The following ADORA2B variants were observed in gnomAD, a reference collection of about 807,000 sequenced individuals.
ADORA2B encodes the protein adenosine A2b receptor.
In ADORA2B, 18 loss-of-function variants were observed where a neutral mutation model predicts 20.8. The observed-to-expected ratio is 0.87, with a 90% CI of 0.60 to 1.29. The LOEUF is 1.29. Ranked by LOEUF, ADORA2B falls within the 50% of genes most tolerant of loss-of-function variation. ADORA2B has a pLI of 0.00. For missense variants in ADORA2B, 441 were observed against 422.7 expected, an observed-to-expected ratio of 1.04 and a Z score of -0.38; for synonymous variants, 179 against 178.3, an observed-to-expected ratio of 1.00 and a Z score of -0.03.
chr17:15,899,988 T>C, the ADORA2B span, among the ~76,000 whole-genome samples: 3 of 151,994 alleles, frequency 2.0e-5, no homozygotes, highest in African/African-American at 7.2e-5. Flanking sequence ...CGTGCCACCA[T>C]GCCCAGCTAA....
intron 1 of ADORA2B, among the ~76,000 whole-genome samples, chr17:15,964,446 A>G (rs1021475733): frequency 6.6e-6 from 1 of 151,432 alleles, no homozygotes; most frequent in Non-Finnish European, 1.5e-5. Flanking sequence ...GTCTCTACTA[A>G]AAATACAAAA....
the ADORA2B span, chr17:15,850,624 G>T: frequency 1.8e-4 from 30 of 169,242 alleles, no homozygotes; most frequent in Non-Finnish European, 3.2e-4. Flanking sequence ...CCCCCTAAGC[G>T]AAATACCAAT....
the ADORA2B span, among the ~76,000 whole-genome samples, chr17:15,923,540 G>C: frequency 6.6e-6 from 1 of 151,844 alleles, no homozygotes; most frequent in Non-Finnish European, 1.5e-5. Flanking sequence ...GAGTAGCAGA[G>C]ACTACAGGCG....
chr17:15,939,909 AG>A, the ADORA2B span, among the ~76,000 whole-genome samples: 3 of 149,356 alleles, frequency 2.0e-5, no homozygotes, highest in Non-Finnish European at 4.5e-5. Flanking sequence ...TGAATGTCTG[AG>A]GGCAGAGTGA....
the ADORA2B span, among the ~76,000 whole-genome samples, chr17:15,901,596 AG>A: frequency 1.3e-5 from 2 of 152,030 alleles, no homozygotes; most frequent in African/African-American, 4.8e-5. Flanking sequence ...ACCCTCATGG[AG>A]GTTCTGCAAA....
chr17:15,913,994 C>G, the ADORA2B span, among the ~76,000 whole-genome samples: 8 of 152,150 alleles, frequency 5.3e-5, no homozygotes, highest in Non-Finnish European at 1.2e-4. Flanking sequence ...GCAGAGTCTT[C>G]GATCTTCTCA....
chr17:15,920,042 G>A, the ADORA2B span, among the ~76,000 whole-genome samples: 2 of 152,102 alleles, frequency 1.3e-5, no homozygotes, highest in African/African-American at 4.8e-5. Flanking sequence ...TCAGAACACA[G>A]TTTGAAGCTG....
the ADORA2B span, among the ~76,000 whole-genome samples, chr17:15,914,240 A>G: frequency 3.3e-5 from 5 of 152,230 alleles, no homozygotes; most frequent in African/African-American, 9.6e-5. Context: ...TCTCTTGCCC[A>G]TGCTGGAGTG....
rs373251186 is a variant in ADORA2B at position 15,964,404 on chromosome 17, C to T, written c.336-10275C>T. ...GGCGGATCACCAGAGGTCAGGAGTTCGAGACCAGCCTGGCCAGCATGGTGA... is the reference window on the plus strand; with the variant it reads ...GGCGGATCACCAGAGGTCAGGAGTTTGAGACCAGCCTGGCCAGCATGGTGA... On this transcript the variant is annotated intron_variant, in intron 1 of 1. Transcript: ENST00000304222. Among the ~76,000 whole-genome samples, 10 of 151,428 alleles carry T rather than the reference C, an allele frequency of 6.6e-5. No homozygotes were observed. The East Asian group carries it at 7.9e-4, about 12-fold the overall frequency.
the ADORA2B span, among the ~76,000 whole-genome samples, chr17:15,875,364 C>T: frequency 6.6e-6 from 1 of 152,182 alleles, no homozygotes; most frequent in African/African-American, 2.4e-5. Context: ...ATTTTGATCT[C>T]CTACTGTGAA....
chr17:15,926,976 A>T, the ADORA2B span, among the ~76,000 whole-genome samples: 2 of 152,214 alleles, frequency 1.3e-5, no homozygotes. Flanking sequence ...GTCTCAAAAA[A>T]TAAAATAAAA....
At chr17:15,885,673 C>T in the ADORA2B span, among the ~76,000 whole-genome samples, 9 of 149,834 alleles carry the variant, frequency 6.0e-5, no homozygotes, top group African/African-American at 2.0e-4. Context: ...GAGATTGTGC[C>T]ACTGCACTCC....
chr17:15,867,446 A>G, the ADORA2B span, among the ~76,000 whole-genome samples: 1 of 144,618 alleles, frequency 6.9e-6, no homozygotes. Flanking sequence ...CCCATCTGAG[A>G]AGTGAGGAGA....
the ADORA2B span, among the ~76,000 whole-genome samples, chr17:15,901,495 G>T: frequency 1.2e-4 from 18 of 151,888 alleles, no homozygotes; most frequent in African/African-American, 3.4e-4. Context: ...GCTAATTTGA[G>T]CTGATTACAT....
chr17:15,882,026 C>T, the ADORA2B span, among the ~76,000 whole-genome samples: 1 of 152,330 alleles, frequency 6.6e-6, no homozygotes, highest in East Asian at 1.9e-4. Flanking sequence ...AGCTCCCCTC[C>T]CTGCCCTCAC....
chr17:15,859,564 T>TAGTTCTCTCAGCTCC, the ADORA2B span, among the ~76,000 whole-genome samples: 270 of 152,170 alleles, frequency 1.8e-3, 2 homozygotes, highest in African/African-American at 6.2e-3. Context: ...ACAAGGCACT[T>TAGTTCTCTCAGCTCC]AGTTCTCTCA....
At chr17:15,864,276 G>GT in the ADORA2B span, 8 of 152,158 alleles carry the variant, frequency 5.3e-5, no homozygotes, top group African/African-American at 1.9e-4. Flanking sequence ...TCATCTTTCT[G>GT]TTCTCCTAGA....
chr17:15,883,811 A>G, the ADORA2B span, among the ~76,000 whole-genome samples: 3 of 152,190 alleles, frequency 2.0e-5, no homozygotes, highest in African/African-American at 2.4e-5. Flanking sequence ...TGTTTGTGAT[A>G]ACAAGACTAG....
chr17:15,939,721 T>A, the ADORA2B span, among the ~76,000 whole-genome samples: 2 of 150,508 alleles, frequency 1.3e-5, no homozygotes, highest in Non-Finnish European at 3.0e-5. Context: ...ATTAGCCGGG[T>A]GTGGTGGCGG....
Sources: gnomAD v4.1 joint callset for allele counts (sites outside exome capture counted in the v4.1 genomes callset) on GRCh38, gnomAD v4.1.1 for gene constraint, MANE v1.5 for transcripts, NCBI Gene and HGNC (gene_info 2026-07-23, HGNC 2026-07-21) for gene names.